SF1: variants seen among roughly 807,000 people sequenced by gnomAD.
SF1 encodes the protein splicing factor 1.
SF1 carries 7 observed loss-of-function variants against 62.5 expected under a neutral mutation model. The observed-to-expected ratio is 0.11, with a 90% confidence interval of 0.06 to 0.21. SF1 has a LOEUF of 0.21. Ranked by LOEUF, SF1 falls within the 10% of genes least tolerant of loss-of-function variation. The pLI, the probability that SF1 is intolerant of heterozygous loss-of-function variation, is 1.00. For missense variants in SF1, 578 were observed against 884.0 expected (o/e 0.65, Z 4.39); for synonymous variants, 394 against 323.6 (o/e 1.22, Z -2.33).
chr11:64,777,783 C>A, intron 1 of SF1: 1 of 947,908 alleles, frequency 1.1e-6, no homozygotes. Flanking sequence ...GCCTCCCGCC[C>A]GCCCAGCCCT....
chr11:64,776,697 A>C, intron 1 of SF1, 71 bp from the exon 2 acceptor site: 2 of 1,465,170 alleles, frequency 1.4e-6, no homozygotes, highest in South Asian at 2.4e-5. Flanking sequence ...AGGGTATTTA[A>C]GGTACTACAC....
chr11:64,778,330 G>A (rs1200910128), intron 1 of SF1, 32 bp downstream of exon 1: 6 of 1,225,018 alleles, frequency 4.9e-6, no homozygotes, highest in Non-Finnish European at 6.1e-6. Flanking sequence ...TGGGCCCGGG[G>A]AGCGGGGGCA....
intron 3 of SF1, chr11:64,773,095 G>A: frequency 8.7e-7 from 1 of 1,154,964 alleles, no homozygotes; most frequent in Non-Finnish European, 1.1e-6. Flanking sequence ...CTGGGCTTTT[G>A]GCCAAAGCAG....
In SF1 at chr11:64,772,696, G is replaced by T. The variant is rs575541647; in HGVS notation, c.236+734C>A. ...TGTTCAATCAGCTAATAAAATTCCA[G>T]TTTAAAAAAGTTCATCTCCCCCACA... On this transcript the variant is annotated intron_variant, in intron 3 of 12. Transcript: ENST00000377390. 6.1e-6 allele frequency: 6 copies of T among 985,044 alleles called. No individual in the cohort carries two copies. The African/African-American group carries it at 1.0e-4, about 17-fold the overall frequency. The allele number at this position is 985,044 out of a possible 1,614,324, so 61.0% of individuals were successfully genotyped here.
In SF1 at chr11:64,766,033, G is replaced by A. The variant is rs1382333629; in HGVS notation, c.1705C>T (p.Leu569=). 1 of 1,610,204 alleles carries A rather than the reference G, an allele frequency of 6.2e-7. No individual in the cohort carries two copies. The highest frequency in any genetic ancestry group is 8.5e-7 in the Non-Finnish European group (1 of 1,178,858). The change falls in exon 13 of 13, where the codon CTG becomes TTG. Residue 569 remains leucine, a synonymous_variant. Coordinates refer to ENST00000377390, the MANE Select transcript of SF1 (RefSeq NM_004630.4). ...AGAGGCGGCTGGACCCCGGGGGGCAGGGGCACCATAGTGGGGTTGCCTTGC... is the reference window on the plus strand; with the variant it reads ...AGAGGCGGCTGGACCCCGGGGGGCAAGGGCACCATAGTGGGGTTGCCTTGC... The part of the protein sequence containing the change: ...QMQGNPTMVP[L]PPGVQPPLPP...
In SF1 at chr11:64,770,413, G is replaced by A. The variant is rs752493131; in HGVS notation, c.237-5C>T. ...ATGGGCTCAGGGGAAGGGGACCTGT[G>A]GGAAACAGACTCCCGTTTACTATTC... On this transcript the variant is annotated splice_polypyrimidine_tract_variant and splice_region_variant and intron_variant, in intron 3 of 12. Coordinates refer to ENST00000377390, the MANE Select transcript of SF1 (RefSeq NM_004630.4). The A allele has an allele frequency of 3.1e-6, 5 of 1,609,860 alleles. No homozygotes were observed. The highest frequency in any genetic ancestry group is 4.3e-6 in the Non-Finnish European group (5 of 1,176,392).
Position 64,766,026 on chromosome 11 carries a change from G to A in SF1, c.1712C>T (p.Pro571Leu), listed in dbSNP as rs1438055254. 1 of 1,609,540 alleles carries A rather than the reference G, an allele frequency of 6.2e-7. No individual in the cohort carries two copies. The highest frequency in any genetic ancestry group is 1.7e-5 in the Admixed American group (1 of 59,892). ...QGNPTMVPLPPGVQPPLPPGA... is the reference protein window; with the variant it reads ...QGNPTMVPLPLGVQPPLPPGA... ...AGGCGGCAGAGGCGGCTGGACCCCG[G>A]GGGGCAGGGGCACCATAGTGGGGTT... Residue 571 changes from proline (P) to leucine (L), a missense_variant, in exon 13 of 13, where the codon CCC becomes CTC. Transcript: ENST00000377390.
At chr11:64,778,232 C>T in intron 1 of SF1, 130 bp downstream of exon 1, 3 of 1,189,344 alleles carry the variant, frequency 2.5e-6, no homozygotes, top group Non-Finnish European at 2.1e-6. Context: ...CCCCATCGAG[C>T]CCACGGGCGG....
At chr11:64,775,608 C>T (rs1032909827) in intron 2 of SF1, among the ~76,000 whole-genome samples, 1 of 152,128 alleles carries the variant, frequency 6.6e-6, no homozygotes, top group Non-Finnish European at 1.5e-5. Context: ...AGGCCACAGC[C>T]TCGTAGGTTT....
In SF1 at chr11:64,773,447, G is replaced by A. The variant is rs1372678040; in HGVS notation, c.219C>T (p.Pro73=). 1.9e-6 allele frequency: 3 copies of A among 1,613,814 alleles called. No homozygotes were observed. The highest frequency in any genetic ancestry group is 2.5e-6 in the Non-Finnish European group (3 of 1,179,926). Residue 73 remains proline, a synonymous_variant, in exon 3 of 13, where the codon CCC becomes CCT. Coordinates refer to ENST00000377390, the MANE Select transcript of SF1 (RefSeq NM_004630.4). Reference sequence around the variant, plus strand: ...TTCCCAACCTGTCCTCAGGGTTAGGGGGGATGCCCAGGTCTCCTGTGCGCA... The same window carrying A: ...TTCCCAACCTGTCCTCAGGGTTAGGAGGGATGCCCAGGTCTCCTGTGCGCA... ...RKLRTGDLGI[P]PNPEDRSPSP...
chr11:64,765,929 A>C lies in SF1; in HGVS notation c.1809T>G (p.Pro603=), dbSNP rs914759777. Residue 603 remains proline, a synonymous_variant, in exon 13 of 13, where the codon CCT becomes CCG. Transcript: ENST00000377390. ...AGMMYAPPPP[P]PPPMDPSNFV... ...AGTTAGAAGGGTCCATGGGAGGCGG[A>C]GGAGGAGGGGGCGGGGCATACATCA... The C allele has an allele frequency of 1.3e-6, 2 of 1,517,376 alleles. No individual in the cohort carries two copies. The highest frequency in any genetic ancestry group is 1.8e-6 in the Non-Finnish European group (2 of 1,130,482). 94.0% of individuals were successfully genotyped at this position (1,517,376 alleles called of 1,614,324 possible).
At chr11:64,777,538 G>A (rs372388176) in intron 1 of SF1, 4 of 985,336 alleles carry the variant, frequency 4.1e-6, no homozygotes, top group African/African-American at 1.7e-5. Context: ...TAGAAGCAGA[G>A]GAGCTATCCT....
At chr11:64,772,431 A>C in intron 3 of SF1, 3 of 985,388 alleles carry the variant, frequency 3.0e-6, no homozygotes, top group Non-Finnish European at 3.6e-6. Flanking sequence ...TTAAAGAGTC[A>C]ATATGGAGAA....
At chr11:64,769,941 C>G (rs567304857) in intron 5 of SF1, 23 bp downstream of exon 5, 2 of 1,557,508 alleles carry the variant, frequency 1.3e-6, no homozygotes, top group Non-Finnish European at 1.8e-6. Context: ...AATTCTATAT[C>G]CTATAGACCA....
intron 1 of SF1, among the ~76,000 whole-genome samples, chr11:64,776,962 C>T (rs898479638): frequency 2.6e-5 from 4 of 152,140 alleles, no homozygotes; most frequent in Admixed American, 1.3e-4. Context: ...GCTCTGAAAT[C>T]CCCAGGGGAG....
At chr11:64,775,006 G>C (rs1050857351) in intron 2 of SF1, among the ~76,000 whole-genome samples, 2 of 151,630 alleles carry the variant, frequency 1.3e-5, no homozygotes, top group African/African-American at 2.4e-5. Flanking sequence ...GGACAAAGCA[G>C]TATGTACCGT....
At chr11:64,768,561 G>A (rs1373076095) in intron 8 of SF1, among the ~76,000 whole-genome samples, 1 of 152,368 alleles carries the variant, frequency 6.6e-6, no homozygotes, top group East Asian at 1.9e-4. Flanking sequence ...GTTCTCTCAA[G>A]TCAATTTCAT....
At chr11:64,775,456 G>A (rs981323556) in intron 2 of SF1, among the ~76,000 whole-genome samples, 1 of 152,198 alleles carries the variant, frequency 6.6e-6, no homozygotes, top group Non-Finnish European at 1.5e-5. Context: ...GACAGGAACA[G>A]TAGGGGAAAG....
In SF1 at chr11:64,778,383, C is replaced by T. The variant is rs1201378752; in HGVS notation, c.10G>A (p.Gly4Arg). 8.1e-6 allele frequency: 10 copies of T among 1,228,438 alleles called. No homozygotes were observed. The highest frequency in any genetic ancestry group is 8.1e-6 in the Non-Finnish European group (8 of 984,802). 76.1% of individuals were successfully genotyped at this position (1,228,438 alleles called of 1,614,324 possible). MAT[G>R]ANATPLDFPS... is the part of the protein sequence containing the mutation. ...TTACCCAACGGCGTGGCGTTCGCTC[C>T]GGTCGCCATGGCGCCCCCGGGGACA... Residue 4 changes from glycine (G) to arginine (R), a missense_variant, in exon 1 of 13, where the codon GGA (glycine) becomes AGA (arginine). Transcript: ENST00000377390.
Sources: allele counts gnomAD v4.1 joint callset (sites outside exome capture counted in the v4.1 genomes callset), GRCh38; gene constraint gnomAD v4.1.1; transcripts MANE v1.5; gene names NCBI Gene and HGNC (gene_info 2026-07-23, HGNC 2026-07-21).